The following SOX6 variants were observed in gnomAD, a reference collection of about 807,000 sequenced individuals.
SOX6 encodes the protein SRY-box transcription factor 6.
Under a neutral mutation model 97.8 loss-of-function variants are expected in SOX6, and 11 were observed. The ratio of observed to expected loss-of-function variants is 0.11; its 90% CI spans 0.07 to 0.19. The LOEUF (loss-of-function observed/expected upper bound fraction) is 0.19, where lower values mean the gene tolerates loss of function less well. SOX6 is among the 10% of genes least tolerant of loss of function. The probability of loss-of-function intolerance (pLI) is 1.00; values close to 1 mark genes in which losing one functional copy is unlikely to be tolerated. For missense variants in SOX6, 810 were observed against 1,039.5 expected (o/e 0.78, Z 3.04); for synonymous variants, 360 against 371.4 (o/e 0.97, Z 0.35).
At chr11:16,502,637 A>G (rs996539527) in intron 4 of SOX6, among the ~76,000 whole-genome samples, 18 of 152,280 alleles carry the variant, frequency 1.2e-4, no homozygotes, top group Admixed American at 9.8e-4. Context: ...ACTTGAAGGC[A>G]GGTCTTTTGA....
intron 4 of SOX6, among the ~76,000 whole-genome samples, chr11:16,496,246 A>C (rs1860593134): frequency 6.6e-6 from 1 of 152,186 alleles, no homozygotes; most frequent in Non-Finnish European, 1.5e-5. Flanking sequence ...AAAAAAACTT[A>C]TGAAATCCCA....
At chr11:16,272,905 TG>T (rs1854298958) in intron 3 of SOX6, among the ~76,000 whole-genome samples, 1 of 151,884 alleles carries the variant, frequency 6.6e-6, no homozygotes, top group African/African-American at 2.4e-5. Context: ...AAGAAGATGC[TG>T]GCCTTGAGAT....
At chr11:15,999,045 A>G (rs1043685555) in intron 13 of SOX6, among the ~76,000 whole-genome samples, 1 of 152,162 alleles carries the variant, frequency 6.6e-6, no homozygotes, top group Non-Finnish European at 1.5e-5. Context: ...CATCTAGGAT[A>G]TATAAAGAAT....
chr11:16,381,281 A>T (rs904183392), intron 1 of SOX6, among the ~76,000 whole-genome samples: 2 of 152,034 alleles, frequency 1.3e-5, no homozygotes, highest in African/African-American at 4.8e-5. Flanking sequence ...GCTTTTTCTT[A>T]TTCCAGAAAA....
intron 13 of SOX6, among the ~76,000 whole-genome samples, chr11:16,002,191 T>C (rs1233533238): frequency 2.0e-5 from 3 of 152,170 alleles, no homozygotes; most frequent in Non-Finnish European, 4.4e-5. Flanking sequence ...TAAAGTGCCA[T>C]ATGTGAATGA....
chr11:16,317,303 T>C (rs1855781233), intron 3 of SOX6: 4 of 151,408 alleles, frequency 2.6e-5, no homozygotes. Flanking sequence ...AGTTTATAGT[T>C]AATATTCATA....
chr11:16,666,764 C>T (rs971104368), intron 3 of SOX6, among the ~76,000 whole-genome samples: 8 of 151,746 alleles, frequency 5.3e-5, no homozygotes, highest in Admixed American at 1.3e-4. Flanking sequence ...CCACTGCACA[C>T]CAACCTGGAT....
At chr11:16,429,306 C>A (rs1859222796) in intron 1 of SOX6, among the ~76,000 whole-genome samples, 1 of 152,064 alleles carries the variant, frequency 6.6e-6, no homozygotes. Context: ...ACCATTCGAC[C>A]CAGCAATCCC....
At chr11:16,274,796 T>C (rs1854349265) in intron 3 of SOX6, among the ~76,000 whole-genome samples, 1 of 152,162 alleles carries the variant, frequency 6.6e-6, no homozygotes, top group Non-Finnish European at 1.5e-5. Flanking sequence ...CCAAAGACAA[T>C]ACGTGAAATC....
chr11:16,162,211 G>C (rs191255319), intron 6 of SOX6, among the ~76,000 whole-genome samples: 13 of 152,200 alleles, frequency 8.5e-5, no homozygotes, highest in Admixed American at 3.3e-4. Flanking sequence ...AAAACAGAAA[G>C]AATTAGGTTC....
intron 4 of SOX6, among the ~76,000 whole-genome samples, chr11:16,572,586 A>G (rs1036104511): frequency 3.9e-5 from 6 of 152,196 alleles, no homozygotes; most frequent in African/African-American, 1.2e-4. Context: ...TTCAGTTGCA[A>G]GACTTCTCAT....
chr11:16,544,146 T>A, intron 4 of SOX6, among the ~76,000 whole-genome samples: 1 of 152,192 alleles, frequency 6.6e-6, no homozygotes. Context: ...TCCATTTATA[T>A]GAAATATCTA....
At chr11:16,475,772 G>T (rs1403868042) in intron 1 of SOX6, among the ~76,000 whole-genome samples, 17 of 152,102 alleles carry the variant, frequency 1.1e-4, no homozygotes. Flanking sequence ...CCAATGCAGG[G>T]TTGCCATAAA....
chr11:16,053,100 C>G (rs549918483), intron 10 of SOX6, among the ~76,000 whole-genome samples: 1 of 152,138 alleles, frequency 6.6e-6, no homozygotes, highest in Non-Finnish European at 1.5e-5. Flanking sequence ...ATTAGCATCC[C>G]TAAACTCTGA....
chr11:16,160,342 C>T (rs1428457437), intron 6 of SOX6, among the ~76,000 whole-genome samples: 1 of 152,118 alleles, frequency 6.6e-6, no homozygotes, highest in Non-Finnish European at 1.5e-5. Context: ...AAGGATATGA[C>T]CTGGGGTTAA....
Position 16,602,118 on chromosome 11 carries a change from T to C in SOX6, n.609+9963A>G, listed in dbSNP as rs1347900037. Reference sequence around the variant, plus strand: ...AATAAAGAACTCAATTTTTTGTGCATTTTAAAAAATACATATTCACCAAGA... The same window carrying C: ...AATAAAGAACTCAATTTTTTGTGCACTTTAAAAAATACATATTCACCAAGA... On this transcript the variant is annotated intron_variant and non_coding_transcript_variant, in intron 4 of 5. Transcript: ENST00000524520. Among the ~76,000 whole-genome samples, 4 of 152,222 alleles carry C rather than the reference T, an allele frequency of 2.6e-5. No individual in the cohort carries two copies. In the East Asian group the frequency reaches 7.7e-4, roughly 29 times the overall value.
At chr11:16,405,857 G>A (rs550937851) in intron 1 of SOX6, among the ~76,000 whole-genome samples, 3 of 152,010 alleles carry the variant, frequency 2.0e-5, no homozygotes, top group Admixed American at 1.3e-4. Flanking sequence ...AACGTAAATC[G>A]AGTTTCCTTT....
At chr11:16,239,802 C>A (rs1383729751) in intron 3 of SOX6, among the ~76,000 whole-genome samples, 1 of 151,946 alleles carries the variant, frequency 6.6e-6, no homozygotes, top group Admixed American at 6.6e-5. Context: ...TCCCCTTTTG[C>A]TCCACACTCC....
chr11:16,242,857 C>A (rs1232350918), intron 3 of SOX6, among the ~76,000 whole-genome samples: 2 of 151,956 alleles, frequency 1.3e-5, no homozygotes, highest in African/African-American at 4.8e-5. Context: ...TTATAGTCCT[C>A]AATTTGGTTT....
Sources: gnomAD v4.1 joint callset for allele counts (sites outside exome capture counted in the v4.1 genomes callset) on GRCh38, gnomAD v4.1.1 for gene constraint, MANE v1.5 for transcripts, NCBI Gene and HGNC (gene_info 2026-07-23, HGNC 2026-07-21) for gene names.